Variants in NBAS observed in about 807,000 individuals in gnomAD.
NBAS encodes the protein NBAS subunit of NRZ tethering complex, also known as NAG/BC035112 fusion.
A neutral mutation model predicts 302.5 loss-of-function variants in NBAS; 219 were observed. The ratio of observed to expected loss-of-function variants is 0.72; its 90% confidence interval spans 0.65 to 0.81. The LOEUF is 0.81. Ranked by LOEUF, NBAS falls within the 30% of genes least tolerant of loss-of-function variation. The pLI is 0.00. For missense variants in NBAS, 2,932 were observed against 2,841.6 expected (o/e 1.03, Z -0.72); for synonymous variants, 1,118 against 1,021.6 (o/e 1.09, Z -1.80).
the NBAS span, among the ~76,000 whole-genome samples, chr2:15,065,555 A>C: frequency 1.3e-5 from 2 of 152,172 alleles, no homozygotes; most frequent in African/African-American, 4.8e-5. Flanking sequence ...AAGTTGCAGG[A>C]TACAATATCA....
At chr2:15,128,976 A>G in the NBAS span, among the ~76,000 whole-genome samples, 1 of 152,190 alleles carries the variant, frequency 6.6e-6, no homozygotes, top group African/African-American at 2.4e-5. Context: ...AGGGTCCAGG[A>G]AATGTGTGGA....
At chr2:15,179,359 C>T (rs1213954723) in intron 50 of NBAS, 3 of 510,736 alleles carry the variant, frequency 5.9e-6, no homozygotes, top group Non-Finnish European at 1.1e-5. Flanking sequence ...TTTTTAATGG[C>T]TTTGTAATGC....
intron 40 of NBAS, among the ~76,000 whole-genome samples, chr2:15,307,570 A>G (rs548884384): frequency 6.6e-6 from 1 of 152,368 alleles, no homozygotes; most frequent in Admixed American, 6.5e-5. Context: ...AGATAATTTC[A>G]CAATGCCAAT....
In NBAS at chr2:15,232,399, T is replaced by C. The variant is rs1472228600; in HGVS notation, c.6236+23A>G. ...TCTGAGGAAAGCCAGTTAATGAAGA[T>C]GCACATACTGTTCTAGTCTTACCCC... On this transcript the variant is annotated intron_variant, in intron 47 of 51. Transcript: ENST00000281513. The C allele has an allele frequency of 3.1e-6, 5 of 1,604,250 alleles. No homozygotes were observed. In the Admixed American group the frequency reaches 5.0e-5, roughly 16 times the overall value.
At chr2:14,786,026 A>C in the NBAS span, among the ~76,000 whole-genome samples, 1 of 152,162 alleles carries the variant, frequency 6.6e-6, no homozygotes, top group Non-Finnish European at 1.5e-5. Flanking sequence ...TCAGAGATTC[A>C]ACTTCTTCAA....
At chr2:15,148,065 G>A in the NBAS span, among the ~76,000 whole-genome samples, 1 of 152,140 alleles carries the variant, frequency 6.6e-6, no homozygotes, top group South Asian at 2.1e-4. Flanking sequence ...TGGAAAGAGG[G>A]ATACAGAGAA....
At chr2:15,203,466 G>T (rs954120173) in intron 48 of NBAS, among the ~76,000 whole-genome samples, 1 of 152,178 alleles carries the variant, frequency 6.6e-6, no homozygotes, top group East Asian at 1.9e-4. Context: ...TGTACTTCTA[G>T]AGTTTTAACT....
chr2:15,224,303 C>T (rs1190234533), intron 47 of NBAS, among the ~76,000 whole-genome samples: 2 of 152,054 alleles, frequency 1.3e-5, no homozygotes, highest in Admixed American at 6.6e-5. Context: ...TATAAATAAG[C>T]GAATCTTCAG....
At chr2:15,376,839 G>GT (rs1674768913) in intron 30 of NBAS, among the ~76,000 whole-genome samples, 1 of 152,082 alleles carries the variant, frequency 6.6e-6, no homozygotes, top group Admixed American at 6.6e-5. Flanking sequence ...AGGCTCACAG[G>GT]TTGCAATCAG....
chr2:15,329,682 C>T (rs953138063), intron 36 of NBAS, among the ~76,000 whole-genome samples: 1 of 152,160 alleles, frequency 6.6e-6, no homozygotes, highest in Non-Finnish European at 1.5e-5. Context: ...TCAGCTCAGA[C>T]CACACTGGCC....
the NBAS span, among the ~76,000 whole-genome samples, chr2:14,993,415 TCTG>T: frequency 6.6e-6 from 1 of 152,232 alleles, no homozygotes; most frequent in Non-Finnish European, 1.5e-5. Context: ...GTCTTATTCT[TCTG>T]CTCTCCCAAA....
intron 6 of NBAS, among the ~76,000 whole-genome samples, chr2:15,550,145 G>C (rs1006000744): frequency 6.6e-6 from 1 of 152,154 alleles, no homozygotes; most frequent in African/African-American, 2.4e-5. Context: ...CCTGGCAACA[G>C]AGTGAGGCCC....
chr2:15,052,302 G>A, the NBAS span, among the ~76,000 whole-genome samples: 3 of 152,152 alleles, frequency 2.0e-5, no homozygotes, highest in Non-Finnish European at 4.4e-5. Context: ...TGACTCTAGT[G>A]GTTTTCAAAC....
chr2:15,064,994 C>T, the NBAS span, among the ~76,000 whole-genome samples: 2 of 152,098 alleles, frequency 1.3e-5, no homozygotes, highest in African/African-American at 4.8e-5. Context: ...ATAAATATCA[C>T]ATGTTCATCT....
the NBAS span, among the ~76,000 whole-genome samples, chr2:14,984,001 C>T: frequency 6.6e-6 from 1 of 152,020 alleles, no homozygotes; most frequent in Admixed American, 6.5e-5. Flanking sequence ...GCGTGCCAAC[C>T]CTGGTTCTTT....
the NBAS span, among the ~76,000 whole-genome samples, chr2:15,048,257 G>A: frequency 1.3e-5 from 2 of 152,358 alleles, no homozygotes; most frequent in East Asian, 1.9e-4. Context: ...CAGGCCCTGC[G>A]TGCAGTTCCA....
At chr2:15,322,556 C>A (rs1044649177) in intron 38 of NBAS, among the ~76,000 whole-genome samples, 10 of 152,118 alleles carry the variant, frequency 6.6e-5, no homozygotes, top group African/African-American at 2.4e-4. Flanking sequence ...ATTTGGAAAT[C>A]ATTAGCCATT....
chr2:15,318,147 C>A (rs1042755506), intron 38 of NBAS, among the ~76,000 whole-genome samples: 4 of 152,070 alleles, frequency 2.6e-5, no homozygotes, highest in Non-Finnish European at 4.4e-5. Flanking sequence ...CCAGACAAAC[C>A]AAGCTTCATA....
At chr2:14,898,989 TG>T in the NBAS span, among the ~76,000 whole-genome samples, 7 of 152,294 alleles carry the variant, frequency 4.6e-5, no homozygotes, top group African/African-American at 1.7e-4. Flanking sequence ...TTCAGTCATA[TG>T]GTGGCTAAAT....
Sources: gnomAD v4.1 joint callset for allele counts (sites outside exome capture counted in the v4.1 genomes callset) on GRCh38, gnomAD v4.1.1 for gene constraint, MANE v1.5 for transcripts, NCBI Gene and HGNC (gene_info 2026-07-23, HGNC 2026-07-21) for gene names.